The following SLC4A5 variants were observed in gnomAD, a reference collection of about 807,000 sequenced individuals.
SLC4A5 encodes the protein electrogenic sodium bicarbonate cotransporter 4.
Under a neutral mutation model 120.4 loss-of-function variants are expected in SLC4A5, and 96 were observed. The ratio of observed to expected loss-of-function variants is 0.80; its 90% CI spans 0.68 to 0.94. The LOEUF (loss-of-function observed/expected upper bound fraction) is 0.94, where lower values mean the gene tolerates loss of function less well. Ranked by LOEUF, SLC4A5 falls within the 40% of genes least tolerant of loss-of-function variation. SLC4A5 has a pLI of 0.00. For synonymous variants in SLC4A5, 550 were observed against 571.1 expected (o/e 0.96, Z 0.53); for missense variants, 1,259 against 1,459.5 (o/e 0.86, Z 2.24).
intron 16 of SLC4A5, among the ~76,000 whole-genome samples, 174 bp downstream of exon 16, chr2:74,252,005 T>C (rs1327004752): frequency 6.6e-6 from 1 of 152,184 alleles, no homozygotes; most frequent in Non-Finnish European, 1.5e-5. Context: ...TCCCCTCTCC[T>C]GAGGCAACCT....
At chr2:74,297,516 T>C (rs1396315157) in intron 7 of SLC4A5, among the ~76,000 whole-genome samples, 1 of 152,228 alleles carries the variant, frequency 6.6e-6, no homozygotes, top group Admixed American at 6.5e-5. Context: ...CAGTTGGGCT[T>C]GACTGACCTT....
At chr2:74,274,624 C>T (rs1432170555) in intron 8 of SLC4A5, among the ~76,000 whole-genome samples, 1 of 152,190 alleles carries the variant, frequency 6.6e-6, no homozygotes, top group African/African-American at 2.4e-5. Flanking sequence ...GGGCACCCAC[C>T]CCGGTCCAGG....
chr2:74,226,542 C>T (rs192551386), intron 27 of SLC4A5, among the ~76,000 whole-genome samples: 1 of 152,294 alleles, frequency 6.6e-6, no homozygotes, highest in East Asian at 1.9e-4. Flanking sequence ...CCCCTGCCCC[C>T]CTACTTCACT....
intron 5 of SLC4A5, 60 bp from the exon 6 acceptor site, chr2:74,315,085 G>A: frequency 1.4e-6 from 2 of 1,390,562 alleles, no homozygotes; most frequent in South Asian, 1.2e-5. Flanking sequence ...AGGATTTCAA[G>A]GAGAAATGGT....
rs9789404 is a variant in SLC4A5, at chr2:74,307,564, T to A, written c.80-2884A>T. 19 of 660,406 alleles carry A rather than the reference T, an allele frequency of 2.9e-5. 1 individual carries two copies. In the African/African-American group the frequency reaches 2.9e-4, roughly 10 times the overall value. The allele number at this position is 660,406 out of a possible 1,614,324, so 40.9% of individuals were successfully genotyped here. On this transcript the variant is annotated intron_variant, in intron 6 of 30. Coordinates refer to ENST00000394019, the Ensembl canonical transcript of SLC4A5. Reference sequence around the variant, plus strand: ...AGATGGGCACTGTCGATCTGCACAATGTGGGCATTGTCCACAGTATTTGCG... The same window carrying A: ...AGATGGGCACTGTCGATCTGCACAAAGTGGGCATTGTCCACAGTATTTGCG...
intron 25 of SLC4A5, among the ~76,000 whole-genome samples, chr2:74,228,511 T>A (rs1426493468): frequency 6.6e-6 from 1 of 152,024 alleles, no homozygotes; most frequent in Non-Finnish European, 1.5e-5. Flanking sequence ...ATGCCTGTAA[T>A]CCCAGCAACT....
At chr2:74,265,152 C>T (rs1671262852) in exon 9 of SLC4A5, 2 of 1,614,244 alleles carry the variant, frequency 1.2e-6, no homozygotes, top group Non-Finnish European at 1.7e-6. Context: ...AGCACCGTCC[C>T]CGTCTGCAGG....
chr2:74,249,664 G>A (rs1431393460), intron 17 of SLC4A5, among the ~76,000 whole-genome samples: 2 of 152,184 alleles, frequency 1.3e-5, no homozygotes, highest in Non-Finnish European at 2.9e-5. Flanking sequence ...GAAGGGCAGG[G>A]AGCAGCACGT....
intron 7 of SLC4A5, among the ~76,000 whole-genome samples, chr2:74,294,423 A>G (rs1197077744): frequency 1.3e-5 from 2 of 152,212 alleles, no homozygotes; most frequent in Non-Finnish European, 2.9e-5. Flanking sequence ...AGATTTAAAA[A>G]TGTCACCAAG....
intron 20 of SLC4A5, among the ~76,000 whole-genome samples, chr2:74,240,779 A>AC (rs1207810682): frequency 2.0e-5 from 3 of 152,032 alleles, no homozygotes; most frequent in African/African-American, 7.3e-5. Context: ...CAAAAAAAAA[A>AC]AAACCCTAAT....
At chr2:74,281,478 C>T (rs1193135623) in intron 8 of SLC4A5, among the ~76,000 whole-genome samples, 1 of 152,202 alleles carries the variant, frequency 6.6e-6, no homozygotes, top group African/African-American at 2.4e-5. Flanking sequence ...CTGATCCAGC[C>T]CTCCCTTCAG....
exon 11 of SLC4A5, chr2:74,262,181 G>A (rs1161335650): frequency 3.7e-6 from 6 of 1,613,734 alleles, no homozygotes; most frequent in African/African-American, 2.7e-5. Flanking sequence ...CAGGTCTTCC[G>A]TGGAGTGGTG....
chr2:74,253,163 G>A (rs368209666), intron 14 of SLC4A5, 35 bp from the exon 15 acceptor site: 14 of 1,612,300 alleles, frequency 8.7e-6, no homozygotes, highest in South Asian at 4.4e-5. Context: ...AAGAAAGATC[G>A]GGTCTGTTTC....
chr2:74,247,075 T>G, exon 19 of SLC4A5: 1 of 1,614,174 alleles, frequency 6.2e-7, no homozygotes, highest in Non-Finnish European at 8.5e-7. Flanking sequence ...TAGGTAGTGA[T>G]GAAGTTTGGC....
exon 31 of SLC4A5, chr2:74,216,319 T>C (rs1456282780): frequency 6.6e-6 from 1 of 152,214 alleles, no homozygotes; most frequent in Non-Finnish European, 1.5e-5. Context: ...GGAGAAGTAT[T>C]ATGTCAACCT....
At chr2:74,315,157 T>A in intron 5 of SLC4A5, 132 bp from the exon 6 acceptor site, 1 of 772,690 alleles carries the variant, frequency 1.3e-6, no homozygotes, top group Non-Finnish European at 2.2e-6. Context: ...AAAGGACATA[T>A]AACTGGGTGC....
At chr2:74,235,311 C>A in intron 21 of SLC4A5, 97 bp from the exon 22 acceptor site, 1 of 830,282 alleles carries the variant, frequency 1.2e-6, no homozygotes, top group Non-Finnish European at 2.0e-6. Flanking sequence ...TGAACTATTA[C>A]AGTCTGGGCT....
intron 4 of SLC4A5, among the ~76,000 whole-genome samples, chr2:74,330,930 A>G (rs2104340843): frequency 4.2e-5 from 4 of 95,234 alleles, no homozygotes; most frequent in East Asian, 3.2e-4. Context: ...GTTTAGGTGT[A>G]GGTGGTGAGT....
chr2:74,262,058 C>T, intron 11 of SLC4A5, 79 bp downstream of exon 11: 1 of 1,328,900 alleles, frequency 7.5e-7, no homozygotes, highest in Non-Finnish European at 1.0e-6. Flanking sequence ...TTTGTCTCCC[C>T]CACCTATGGC....
Sources: gnomAD v4.1 joint callset for allele counts (sites outside exome capture counted in the v4.1 genomes callset) on GRCh38, gnomAD v4.1.1 for gene constraint, MANE v1.5 for transcripts, NCBI Gene and HGNC (gene_info 2026-07-23, HGNC 2026-07-21) for gene names.